The following GPC3 variants were observed in gnomAD, a reference collection of about 807,000 sequenced individuals.
GPC3 encodes the protein glypican 3.
A neutral mutation model predicts 34.4 loss-of-function variants in GPC3; 3 were observed. The observed-to-expected ratio is 0.09, with a 90% CI of 0.04 to 0.23. GPC3 has a LOEUF of 0.23. Among genes scored for constraint, GPC3 ranks in the 10% least tolerant of loss-of-function variants. The probability of loss-of-function intolerance (pLI) is 1.00; values close to 1 mark genes in which losing one functional copy is unlikely to be tolerated. For synonymous variants in GPC3, 177 were observed against 174.0 expected, an observed-to-expected ratio of 1.02 and a Z score of -0.13; for missense variants, 351 against 445.6, an observed-to-expected ratio of 0.79 and a Z score of 1.91.
chrX:133,932,204 T>C (rs2076301662), intron 2 of GPC3, among the ~76,000 whole-genome samples: 1 of 112,597 alleles, frequency 8.9e-6, no homozygotes, highest in Non-Finnish European at 1.9e-5. Context: ...AGTAGCCTGA[T>C]TATAATCAGA....
At chrX:133,938,374 G>A (rs1038815012) in intron 2 of GPC3, among the ~76,000 whole-genome samples, 43 of 111,346 alleles carry the variant, frequency 3.9e-4, no homozygotes, top group African/African-American at 1.3e-3. Flanking sequence ...ACACTACACT[G>A]CCTTTTATTA....
intron 6 of GPC3, among the ~76,000 whole-genome samples, chrX:133,653,332 A>G (rs1169440792): frequency 8.9e-6 from 1 of 112,075 alleles, no homozygotes; most frequent in Non-Finnish European, 1.9e-5. Flanking sequence ...TTCCCTATGG[A>G]ACACAATCTG....
At chrX:133,952,037 G>T (rs985844237) in intron 2 of GPC3, among the ~76,000 whole-genome samples, 4 of 110,444 alleles carry the variant, frequency 3.6e-5, no homozygotes, top group African/African-American at 1.3e-4. Flanking sequence ...GATTCCCTCT[G>T]CTTGAGGAAG....
chrX:133,773,300 G>A (rs1009985071), intron 2 of GPC3, among the ~76,000 whole-genome samples: 2 of 111,317 alleles, frequency 1.8e-5, no homozygotes, highest in Non-Finnish European at 3.8e-5. Context: ...AGTCATGAAG[G>A]CAGAGCCCAG....
At chrX:133,923,739 T>A (rs2076262926) in intron 2 of GPC3, among the ~76,000 whole-genome samples, 1 of 112,550 alleles carries the variant, frequency 8.9e-6, no homozygotes, top group Non-Finnish European at 1.9e-5. Flanking sequence ...CCAGGCCTAC[T>A]GTTTATTTGC....
At chrX:133,786,479 A>T (rs1213322250) in intron 2 of GPC3, among the ~76,000 whole-genome samples, 1 of 112,828 alleles carries the variant, frequency 8.9e-6, no homozygotes, top group Non-Finnish European at 1.9e-5. Flanking sequence ...TAGGCAGATA[A>T]AAAGGGGTCC....
At chrX:133,876,535 A>G (rs2076017916) in intron 2 of GPC3, among the ~76,000 whole-genome samples, 1 of 112,384 alleles carries the variant, frequency 8.9e-6, no homozygotes, top group Non-Finnish European at 1.9e-5. Flanking sequence ...ATGTTATCAC[A>G]TTTATTCTCT....
chrX:133,984,517 T>C (rs1404720267), intron 1 of GPC3, among the ~76,000 whole-genome samples: 1 of 111,675 alleles, frequency 9.0e-6, no homozygotes, highest in Non-Finnish European at 1.9e-5. Context: ...TTCCTCCACC[T>C]GAAATCATCT....
intron 5 of GPC3, chrX:133,671,450 ACTTTCATGTG>A: frequency 2.2e-6 from 1 of 450,532 alleles, no homozygotes; most frequent in Non-Finnish European, 3.9e-6. Flanking sequence ...TAAACTAAAA[ACTTTCATGTG>A]AAAAAAATGT....
Position 133,657,203 on chromosome X carries a change from C to CT in GPC3, c.1413+4526dup, listed in dbSNP as rs2070671739. ...GAAACAATAAATGGATAGATTTTTC[C>CT]TTGGGAACAATAAGTCCTGTAGCAG... On this transcript the variant is annotated intron_variant, in intron 6 of 7. Transcript: ENST00000370818. 5.4e-5 allele frequency among the ~76,000 whole-genome samples: 6 copies of CT among 111,906 alleles called. No individual in the cohort carries two copies. The Admixed American group carries it at 5.7e-4, about 11-fold the overall frequency.
At chrX:133,933,121 C>A (rs1164940571) in intron 2 of GPC3, among the ~76,000 whole-genome samples, 1 of 111,164 alleles carries the variant, frequency 9.0e-6, no homozygotes, top group Non-Finnish European at 1.9e-5. Context: ...TAAAGCTCAA[C>A]AAACATTTAG....
chrX:133,543,578 G>A (rs1330778885), intron 7 of GPC3, among the ~76,000 whole-genome samples: 1 of 112,551 alleles, frequency 8.9e-6, no homozygotes, highest in African/African-American at 3.2e-5. Context: ...AACATCTTTA[G>A]TTACAACAAT....
intron 2 of GPC3, among the ~76,000 whole-genome samples, chrX:133,811,943 C>T (rs2075668108): frequency 8.9e-6 from 1 of 111,961 alleles, no homozygotes; most frequent in Admixed American, 9.5e-5. Flanking sequence ...AGAAGTCCTA[C>T]AAAAAGTATT....
At chrX:133,712,167 A>G (rs764308467) in intron 3 of GPC3, among the ~76,000 whole-genome samples, 1 of 112,324 alleles carries the variant, frequency 8.9e-6, no homozygotes, top group East Asian at 2.8e-4. Flanking sequence ...AGCAATGTCT[A>G]TGTCTAAAAC....
chrX:133,737,920 G>C (rs1470159559), intron 3 of GPC3, among the ~76,000 whole-genome samples: 1 of 111,546 alleles, frequency 9.0e-6, no homozygotes, highest in Admixed American at 9.5e-5. Context: ...AAATACTGCA[G>C]AAGACATATG....
chrX:133,983,971 C>A (rs1161558345), intron 1 of GPC3, among the ~76,000 whole-genome samples: 3 of 113,268 alleles, frequency 2.6e-5, no homozygotes, highest in African/African-American at 9.6e-5. Context: ...CAGGCTCACT[C>A]GGCTCTTTTC....
intron 5 of GPC3, among the ~76,000 whole-genome samples, chrX:133,673,873 C>T (rs1452958527): frequency 8.9e-6 from 1 of 112,121 alleles, no homozygotes; most frequent in Non-Finnish European, 1.9e-5. Flanking sequence ...ATTTTTATCA[C>T]GTGAAAGCAC....
intron 6 of GPC3, among the ~76,000 whole-genome samples, chrX:133,621,160 G>A (rs1176827999): frequency 9.0e-6 from 1 of 110,971 alleles, no homozygotes; most frequent in Non-Finnish European, 1.9e-5. Context: ...AAGAAGCACT[G>A]GGAAAAAAAA....
At chrX:133,573,145 G>GA (rs764030193) in intron 7 of GPC3, among the ~76,000 whole-genome samples, 5 of 108,418 alleles carry the variant, frequency 4.6e-5, no homozygotes, top group African/African-American at 6.7e-5. Flanking sequence ...ATAGAATAAA[G>GA]AAAAAAAAAT....
Sources: gnomAD v4.1 joint callset for allele counts (sites outside exome capture counted in the v4.1 genomes callset) on GRCh38, gnomAD v4.1.1 for gene constraint, MANE v1.5 for transcripts, NCBI Gene and HGNC (gene_info 2026-07-23, HGNC 2026-07-21) for gene names.